ERICH1: variants seen among roughly 807,000 people sequenced by gnomAD.
The protein encoded by ERICH1 is glutamate-rich protein 1.
ERICH1 carries 56 observed loss-of-function variants against 39.6 expected under a neutral mutation model. The ratio of observed to expected loss-of-function variants is 1.41; its 90% CI spans 1.14 to 1.77. The LOEUF (loss-of-function observed/expected upper bound fraction) is 1.77. Among genes scored for constraint, ERICH1 ranks in the 40% most tolerant of loss-of-function variants. The pLI is 0.00. For missense variants in ERICH1, 826 were observed against 575.4 expected (o/e 1.44, Z -4.45); for synonymous variants, 313 against 223.6 (o/e 1.40, Z -3.57).
intron 3 of ERICH1, among the ~76,000 whole-genome samples, chr8:643,966 G>C (rs574840544): frequency 3.4e-4 from 52 of 152,400 alleles, no homozygotes; most frequent in Non-Finnish European, 4.7e-4. Context: ...GCACCAGCAC[G>C]GTGGGCCTGA....
chr8:663,184 G>A (rs950735852), downstream of ERICH1, among the ~76,000 whole-genome samples: 8 of 152,248 alleles, frequency 5.3e-5, no homozygotes, highest in Admixed American at 2.6e-4. Flanking sequence ...TAGAAGAGAC[G>A]TCTCTTAGGG....
intron 2 of ERICH1, among the ~76,000 whole-genome samples, chr8:702,799 G>A (rs1032362386): frequency 2.0e-5 from 3 of 152,216 alleles, no homozygotes; most frequent in Admixed American, 6.5e-5. Context: ...GGTGATGGAC[G>A]CAGAGGGGCA....
intron 2 of ERICH1, among the ~76,000 whole-genome samples, chr8:699,402 T>C (rs771750067): frequency 4.5e-4 from 69 of 152,204 alleles, no homozygotes; most frequent in South Asian, 1.2e-3. Context: ...ATTAGATCTG[T>C]ATCAATGCGA....
intron 3 of ERICH1, among the ~76,000 whole-genome samples, chr8:635,932 C>T (rs1345215263): frequency 2.0e-5 from 3 of 152,226 alleles, no homozygotes; most frequent in African/African-American, 4.8e-5. Flanking sequence ...GCGGCAGGTG[C>T]GGTGATTCCT....
chr8:705,780 C>T (rs1205117287), intron 2 of ERICH1, among the ~76,000 whole-genome samples: 2 of 152,166 alleles, frequency 1.3e-5, no homozygotes, highest in African/African-American at 4.8e-5. Context: ...TAAAACTACC[C>T]GAAATCACAG....
intron 1 of ERICH1, among the ~76,000 whole-genome samples, chr8:721,893 T>G (rs1024026783): frequency 6.6e-6 from 1 of 152,170 alleles, no homozygotes. Context: ...AGATAGAGGC[T>G]GACAAAAATC....
Position 673,776 on chromosome 8 carries a change from G to C in ERICH1, c.576C>G (p.Pro192=). 6.2e-7 allele frequency: 1 copy of C among 1,614,142 alleles called. No homozygotes were observed. Residue 192 remains proline (P), a synonymous_variant, in exon 4 of 6, where the codon CCC becomes CCG. Coordinates refer to ENST00000262109, the MANE Select transcript of ERICH1 (RefSeq NM_207332.3). ...CTTCCCCTTCATTGCTGCTGTCCTC[G>C]GGCTGGTACATGAAACTGACACCAG... is the stretch of plus-strand genomic sequence containing the variant. The part of the protein sequence containing the change: ...KAAGVSFMYQ[P]EDSSNEGEGV...
In ERICH1 at chr8:645,777, C is replaced by T. The variant is rs570008227; in HGVS notation, c.976+22821G>A. Among the ~76,000 whole-genome samples, 53 of 69,790 alleles carry T rather than the reference C, an allele frequency of 7.6e-4. 22 individuals are homozygous for T. The South Asian group carries it at 0.015, about 20-fold the overall frequency. 45.8% of individuals were successfully genotyped at this position (69,790 alleles called of 152,430 possible). A position where few individuals can be genotyped will look rare whatever the true frequency, so the allele number is the denominator to read the frequency against. ...GTGCTGGGATTACAGGCGTGAGCCACGGTGCCCAGCCCAGAAATCTGAATT... is the reference window on the plus strand; with the variant it reads ...GTGCTGGGATTACAGGCGTGAGCCATGGTGCCCAGCCCAGAAATCTGAATT... On this transcript the variant is annotated intron_variant, in intron 3 of 3. Transcript: ENST00000522706.
At chr8:650,039 C>T (rs1444134188) in intron 3 of ERICH1, among the ~76,000 whole-genome samples, 2 of 152,234 alleles carry the variant, frequency 1.3e-5, no homozygotes, top group Non-Finnish European at 2.9e-5. Context: ...CTGCGCTGAG[C>T]GCGACCTGCG....
downstream of ERICH1, among the ~76,000 whole-genome samples, chr8:659,898 A>G (rs1801161138): frequency 6.6e-6 from 1 of 151,798 alleles, no homozygotes; most frequent in South Asian, 2.1e-4. Context: ...GGAGGGGGTG[A>G]CCATCGAGGC....
chr8:690,781 T>G (rs1259868059), intron 3 of ERICH1: 1 of 152,474 alleles, frequency 6.6e-6, no homozygotes, highest in Non-Finnish European at 1.5e-5. Flanking sequence ...CTCTGCAGCT[T>G]CCTGGGAGTT....
chr8:656,147 C>T (rs1031074316), intron 3 of ERICH1, among the ~76,000 whole-genome samples: 6 of 152,168 alleles, frequency 3.9e-5, no homozygotes, highest in Middle Eastern at 3.2e-3. Context: ...GCTGCTGGCA[C>T]GGTCCTCGAG....
At chr8:721,600 T>C (rs1817327779) in intron 1 of ERICH1, among the ~76,000 whole-genome samples, 1 of 152,220 alleles carries the variant, frequency 6.6e-6, no homozygotes, top group African/African-American at 2.4e-5. Context: ...TGCATGGCAC[T>C]GATGCCCTTG....
intron 3 of ERICH1, among the ~76,000 whole-genome samples, chr8:684,728 A>C (rs750444660): frequency 7.9e-5 from 12 of 152,140 alleles, no homozygotes; most frequent in Non-Finnish European, 1.5e-4. Flanking sequence ...AAGAGTACAA[A>C]AGAGAGAAAT....
intron 2 of ERICH1, among the ~76,000 whole-genome samples, chr8:698,994 T>C (rs1402396585): frequency 6.6e-6 from 1 of 151,182 alleles, no homozygotes; most frequent in East Asian, 2.0e-4. Flanking sequence ...TGCTCCAAAG[T>C]CTCGGCTCAG....
intron 3 of ERICH1, among the ~76,000 whole-genome samples, chr8:678,600 G>A (rs866538872): frequency 1.3e-5 from 2 of 152,146 alleles, no homozygotes; most frequent in South Asian, 2.1e-4. Context: ...ACGAGGTCAG[G>A]AGATTGAGAC....
chr8:615,524 C>G (rs1003101941), intron 3 of ERICH1: 6 of 428,828 alleles, frequency 1.4e-5, no homozygotes, highest in African/African-American at 8.1e-5. Flanking sequence ...AGGGAAGGCT[C>G]AGACAATGGC....
intron 3 of ERICH1, among the ~76,000 whole-genome samples, chr8:651,856 C>T (rs1180043703): frequency 2.6e-5 from 4 of 152,178 alleles, no homozygotes; most frequent in Non-Finnish European, 5.9e-5. Flanking sequence ...CTGACTTCAG[C>T]AGTTCCCCCT....
chr8:703,426 C>G (rs551335778), intron 2 of ERICH1, among the ~76,000 whole-genome samples: 2 of 152,302 alleles, frequency 1.3e-5, no homozygotes, highest in South Asian at 2.1e-4. Context: ...GACACGAGAT[C>G]TGCTCCAGAG....
Sources: allele counts gnomAD v4.1 joint callset (sites outside exome capture counted in the v4.1 genomes callset), GRCh38; gene constraint gnomAD v4.1.1; transcripts MANE v1.5; gene names NCBI Gene and HGNC (gene_info 2026-07-23, HGNC 2026-07-21).